ANKRD13C: variants seen among roughly 807,000 people sequenced by gnomAD.
The protein encoded by ANKRD13C is ankyrin repeat domain 13C.
In ANKRD13C, 16 loss-of-function variants were observed where a neutral mutation model predicts 65.5. The ratio of observed to expected loss-of-function variants is 0.24; its 90% CI spans 0.17 to 0.37. The LOEUF is 0.37. Ranked by LOEUF, ANKRD13C falls within the 10% of genes least tolerant of loss-of-function variation. The pLI is 1.00. For missense variants in ANKRD13C, 503 were observed against 655.9 expected (o/e 0.77, Z 2.55); for synonymous variants, 235 against 238.7 (o/e 0.98, Z 0.14).
chr1:70,302,392 A>G (rs912891363), intron 6 of ANKRD13C, among the ~76,000 whole-genome samples: 4 of 152,142 alleles, frequency 2.6e-5, no homozygotes, highest in Non-Finnish European at 5.9e-5. Context: ...CAGCTTTACT[A>G]TTAAATAACA....
chr1:70,293,902 G>A (rs1679965938), intron 8 of ANKRD13C, among the ~76,000 whole-genome samples: 1 of 152,198 alleles, frequency 6.6e-6, no homozygotes, highest in Non-Finnish European at 1.5e-5. Context: ...TTAATTTCTT[G>A]CTACTTATAA....
In ANKRD13C at chr1:70,354,389, C is replaced by T. The variant is rs1682904314; in HGVS notation, c.20G>A (p.Arg7His). The T allele has an allele frequency of 3.1e-6, 5 of 1,612,586 alleles. No individual in the cohort carries two copies. The highest frequency in any genetic ancestry group is 4.2e-6 in the Non-Finnish European group (5 of 1,179,048). The change falls in exon 1 of 13, where the codon CGC becomes CAC. Residue 7 changes from arginine to histidine, a missense_variant. Transcript: ENST00000370944. MTGEKIRSLRRDHKPSK... is the reference protein window; with the variant it reads MTGEKIHSLRRDHKPSK... ...GGGCTTGTGGTCCCTCCGCAGTGAG[C>T]GGATCTTCTCCCCGGTCATCGCCGC...
At position 70,297,286 on chromosome 1, in the gene ANKRD13C, G is replaced by GGTTTTTT. The variant is rs1558281019; in HGVS notation, c.922-1026_922-1025insAAAAAAC. On this transcript the variant is annotated intron_variant, in intron 7 of 12. Coordinates refer to ENST00000370944, the MANE Select transcript of ANKRD13C (RefSeq NM_030816.5). ...TTTAACCTACATAGAGTCCCTTTCTGATTTTTTTTTTTTTTTTTTTTTTTT... is the reference window on the plus strand; with the variant it reads ...TTTAACCTACATAGAGTCCCTTTCTGGTTTTTTATTTTTTTTTTTTTTTTTTTTTTTT... Among the ~76,000 whole-genome samples, 743 of 125,016 alleles carry GGTTTTTT rather than the reference G, an allele frequency of 5.9e-3. 27 individuals carry two copies. Among genetic ancestry groups the GGTTTTTT allele is most frequent in the African/African-American group, 0.017 (560 of 33,362 alleles). The allele number at this position is 125,016 out of a possible 152,430, so 82.0% of individuals were successfully genotyped here. A position where few individuals can be genotyped will look rare whatever the true frequency, so the allele number is the denominator to read the frequency against.
chr1:70,309,618 C>A (rs1214479029), intron 5 of ANKRD13C, among the ~76,000 whole-genome samples: 4 of 148,274 alleles, frequency 2.7e-5, no homozygotes, highest in Non-Finnish European at 6.0e-5. Context: ...CCCAGCTACT[C>A]GGAAGGCTGA....
At chr1:70,327,835 G>C (rs1332291353) in intron 2 of ANKRD13C, among the ~76,000 whole-genome samples, 1 of 151,814 alleles carries the variant, frequency 6.6e-6, no homozygotes, top group African/African-American at 2.4e-5. Flanking sequence ...GAGGCCAAGG[G>C]GGGCGGATCA....
intron 2 of ANKRD13C, among the ~76,000 whole-genome samples, chr1:70,329,830 C>T (rs1220797280): frequency 6.6e-6 from 1 of 152,002 alleles, no homozygotes; most frequent in Non-Finnish European, 1.5e-5. Flanking sequence ...CGGTGGCTCA[C>T]GCCTGTAATC....
At chr1:70,325,352 G>GT (rs1681488422) in intron 2 of ANKRD13C, among the ~76,000 whole-genome samples, 1 of 152,094 alleles carries the variant, frequency 6.6e-6, no homozygotes, top group South Asian at 2.1e-4. Flanking sequence ...ATGTCAAATA[G>GT]TAAGTTCATT....
intron 5 of ANKRD13C, among the ~76,000 whole-genome samples, chr1:70,310,495 A>G (rs1260033220): frequency 6.6e-6 from 1 of 152,194 alleles, no homozygotes; most frequent in Non-Finnish European, 1.5e-5. Flanking sequence ...TTTGCATCAA[A>G]GTCAAATTCT....
rs369115273 is a variant in ANKRD13C, at chr1:70,324,920, G to A, written c.510C>T (p.Val170=). 2 of 1,611,264 alleles carry A rather than the reference G, an allele frequency of 1.2e-6. No individual in the cohort carries two copies. The highest frequency in any genetic ancestry group is 2.7e-5 in the African/African-American group (2 of 74,896). Residue 170 remains valine, a synonymous_variant, in exon 3 of 13, where the codon GTC becomes GTT. Coordinates refer to ENST00000370944, the MANE Select transcript of ANKRD13C (RefSeq NM_030816.5). ...TCCATCCCTGAGCATTTTTCACCTT[G>A]ACTGGAGCATTGTGAGCCAAAAGTA... ...AHLLLAHNAP[V]KVKNAQGWSP... is the part of the protein sequence containing the mutation.
At chr1:70,352,516 T>C (rs1682789758) in intron 1 of ANKRD13C, among the ~76,000 whole-genome samples, 1 of 152,180 alleles carries the variant, frequency 6.6e-6, no homozygotes, top group African/African-American at 2.4e-5. Flanking sequence ...GCTTCAGTGA[T>C]ATTCATCCAT....
At chr1:70,316,659 G>C (rs1681086078) in intron 3 of ANKRD13C, among the ~76,000 whole-genome samples, 1 of 151,998 alleles carries the variant, frequency 6.6e-6, no homozygotes, top group Non-Finnish European at 1.5e-5. Context: ...CTCCAGCCTG[G>C]GTGACAGAGC....
intron 7 of ANKRD13C, among the ~76,000 whole-genome samples, chr1:70,297,285 TGA>T (rs1680122954): frequency 1.4e-5 from 2 of 144,362 alleles, no homozygotes; most frequent in East Asian, 2.1e-4. Flanking sequence ...AGTCCCTTTC[TGA>T]TTTTTTTTTT....
intron 9 of ANKRD13C, among the ~76,000 whole-genome samples, chr1:70,291,482 A>G (rs138923710): frequency 2.0e-5 from 3 of 152,342 alleles, no homozygotes; most frequent in African/African-American, 7.2e-5. Flanking sequence ...TGTCTCATAC[A>G]TCTTTTATTT....
chr1:70,353,026 C>A (rs905337990), intron 1 of ANKRD13C, among the ~76,000 whole-genome samples: 1 of 152,106 alleles, frequency 6.6e-6, no homozygotes, highest in African/African-American at 2.4e-5. Flanking sequence ...TCATTTTGAG[C>A]ACAAAGTTGG....
At position 70,261,825 on chromosome 1, in the gene ANKRD13C, G is replaced by A. The variant is rs1384891893; in HGVS notation, c.*892C>T. 3.3e-5 allele frequency: 5 copies of A among 152,438 alleles called. No homozygotes were observed. The highest frequency in any genetic ancestry group is 9.6e-5 in the African/African-American group (4 of 41,480). The allele number at this position is 152,438 out of a possible 1,614,324, so 9.4% of individuals were successfully genotyped here. ...ACAAACAAAATAATCAGACCGATGT[G>A]TACTTATTAGGAAGCAAGTTTAAAA... On this transcript the variant is annotated 3_prime_UTR_variant, in exon 13 of 13. Transcript: ENST00000370944.
chr1:70,319,604 T>C (rs1681218744), intron 3 of ANKRD13C, among the ~76,000 whole-genome samples: 2 of 107,558 alleles, frequency 1.9e-5, no homozygotes, highest in African/African-American at 4.1e-5. Flanking sequence ...GGAAACTCCA[T>C]CTCAAAAAAA....
chr1:70,266,625 A>G (rs896934303), intron 12 of ANKRD13C, among the ~76,000 whole-genome samples: 4 of 152,072 alleles, frequency 2.6e-5, no homozygotes, highest in Admixed American at 1.3e-4. Context: ...ACAAATTTTG[A>G]TATGTTGCAA....
intron 6 of ANKRD13C, 101 bp from the exon 7 acceptor site, chr1:70,301,009 C>T: frequency 8.2e-7 from 1 of 1,215,184 alleles, no homozygotes; most frequent in Non-Finnish European, 1.1e-6. Flanking sequence ...AACCAAGATG[C>T]TAATACCATA....
intron 9 of ANKRD13C, among the ~76,000 whole-genome samples, chr1:70,283,009 C>T (rs774260076): frequency 2.0e-5 from 3 of 152,134 alleles, no homozygotes; most frequent in South Asian, 2.1e-4. Flanking sequence ...CTAAACAGTA[C>T]ATTATACATT....
Sources: gnomAD v4.1 joint callset for allele counts (sites outside exome capture counted in the v4.1 genomes callset) on GRCh38, gnomAD v4.1.1 for gene constraint, MANE v1.5 for transcripts, NCBI Gene and HGNC (gene_info 2026-07-23, HGNC 2026-07-21) for gene names.